Variants in CHN2 observed in about 807,000 individuals in gnomAD.
CHN2 encodes the protein chimerin 2.
Under a neutral mutation model 56.3 loss-of-function variants are expected in CHN2, and 35 were observed. The ratio of observed to expected loss-of-function variants is 0.62; its 90% CI spans 0.47 to 0.82. The LOEUF (loss-of-function observed/expected upper bound fraction) is 0.82. CHN2 is among the 40% of genes least tolerant of loss of function. The pLI, the probability that CHN2 is intolerant of heterozygous loss-of-function variation, is 0.00. For synonymous variants in CHN2, 210 were observed against 212.8 expected (o/e 0.99, Z 0.12); for missense variants, 491 against 580.5 (o/e 0.85, Z 1.58).
intron 1 of CHN2, among the ~76,000 whole-genome samples, chr7:29,341,832 T>A (rs956225337): frequency 6.6e-6 from 1 of 152,188 alleles, no homozygotes; most frequent in African/African-American, 2.4e-5. Flanking sequence ...GGGACTAGGG[T>A]CATAGGGAGA....
intron 1 of CHN2, among the ~76,000 whole-genome samples, chr7:29,252,170 A>G (rs1057027690): frequency 6.1e-5 from 9 of 147,944 alleles, no homozygotes; most frequent in Non-Finnish European, 1.0e-4. Flanking sequence ...AAAACCTACC[A>G]CATAAGATTA....
At chr7:29,185,585 A>G (rs570911100) in intron 2 of CHN2, 2 of 151,352 alleles carry the variant, frequency 1.3e-5, no homozygotes, top group Non-Finnish European at 2.9e-5. Flanking sequence ...CCTTAGCAGC[A>G]TATCAAAATC....
At position 29,400,657 on chromosome 7, in the gene CHN2, C is replaced by T; in HGVS notation, c.405C>T (p.Tyr135=). Residue 135 remains tyrosine, a synonymous_variant, in exon 6 of 13, where the codon TAC becomes TAT. Coordinates refer to ENST00000222792, the MANE Select transcript of CHN2 (RefSeq NM_004067.4). ...TGACAGATGGCTTGATAACACTGTA[C>T]ATAGAAACAAAAGCTGCCGAGTACA... ...DLVTDGLITL[Y]IETKAAEYIS... is the part of the protein sequence containing the mutation. The T allele has an allele frequency of 1.2e-6, 2 of 1,614,138 alleles. No individual in the cohort carries two copies. The highest frequency in any genetic ancestry group is 1.6e-4 in the Middle Eastern group (1 of 6,062).
chr7:29,503,538 A>G (rs907503687), intron 9 of CHN2, among the ~76,000 whole-genome samples: 1 of 152,192 alleles, frequency 6.6e-6, no homozygotes. Flanking sequence ...CACCTGAACA[A>G]TTGGAACTGA....
At chr7:29,382,631 C>G (rs1005253118) in intron 3 of CHN2, among the ~76,000 whole-genome samples, 4 of 152,176 alleles carry the variant, frequency 2.6e-5, no homozygotes, top group Non-Finnish European at 5.9e-5. Flanking sequence ...AGGAGCCCTT[C>G]CCTCAAGGAG....
intron 7 of CHN2, among the ~76,000 whole-genome samples, chr7:29,492,822 C>A (rs192105074): frequency 2.2e-4 from 33 of 152,292 alleles, no homozygotes; most frequent in African/African-American, 7.9e-4. Context: ...GTATCTGAGT[C>A]AATATTTAGT....
chr7:29,202,853 A>G (rs1291053560), intron 1 of CHN2, among the ~76,000 whole-genome samples: 2 of 152,212 alleles, frequency 1.3e-5, no homozygotes, highest in East Asian at 3.9e-4. Context: ...CTTCCATGAA[A>G]TAAGCCCAAG....
intron 2 of CHN2, among the ~76,000 whole-genome samples, chr7:29,187,191 T>C (rs949148753): frequency 6.6e-6 from 1 of 152,160 alleles, no homozygotes; most frequent in African/African-American, 2.4e-5. Context: ...CTTTATCTTA[T>C]AGGGGCCAAA....
chr7:29,482,239 G>A (rs1235247973), intron 7 of CHN2, among the ~76,000 whole-genome samples: 1 of 152,166 alleles, frequency 6.6e-6, no homozygotes, highest in African/African-American at 2.4e-5. Context: ...AGACAGGAGC[G>A]TTTCTCTTCC....
At chr7:29,205,804 G>T (rs1411709717) in intron 1 of CHN2, among the ~76,000 whole-genome samples, 1 of 152,046 alleles carries the variant, frequency 6.6e-6, no homozygotes, top group Admixed American at 6.5e-5. Flanking sequence ...CTAGAGGAAT[G>T]GTTCTTTATT....
At chr7:29,399,663 T>C (rs1249514404) in intron 5 of CHN2, among the ~76,000 whole-genome samples, 1 of 152,220 alleles carries the variant, frequency 6.6e-6, no homozygotes, top group African/African-American at 2.4e-5. Flanking sequence ...ATGGTGTCCA[T>C]GGAAGCCCTT....
intron 1 of CHN2, chr7:29,195,209 G>A: frequency 2.1e-6 from 1 of 483,008 alleles, no homozygotes; most frequent in Non-Finnish European, 3.6e-6. Context: ...GGAGAGCGGT[G>A]GTGCCCTTAG....
chr7:29,147,107 A>C, intron 2 of CHN2: 1 of 1,096,966 alleles, frequency 9.1e-7, no homozygotes, highest in South Asian at 1.6e-5. Context: ...TAACCCATCC[A>C]GGGTCACATT....
chr7:29,504,682 CTTTT>C, intron 9 of CHN2, 58 bp from the exon 10 acceptor site: 1 of 880,258 alleles, frequency 1.1e-6, no homozygotes. Flanking sequence ...TGAAATTAGT[CTTTT>C]TTTTTTTTTT....
At chr7:29,152,974 G>A (rs1192170548) in intron 2 of CHN2, among the ~76,000 whole-genome samples, 1 of 152,194 alleles carries the variant, frequency 6.6e-6, no homozygotes, top group Non-Finnish European at 1.5e-5. Context: ...TCTATCTGAG[G>A]GGTGGCCAAA....
At chr7:29,382,876 A>C (rs1800625966) in intron 3 of CHN2, among the ~76,000 whole-genome samples, 1 of 152,174 alleles carries the variant, frequency 6.6e-6, no homozygotes, top group South Asian at 2.1e-4. Flanking sequence ...AATATCCTAG[A>C]AGTATGAGCA....
At chr7:29,214,546 A>G (rs1411183184) in intron 1 of CHN2, among the ~76,000 whole-genome samples, 2 of 152,192 alleles carry the variant, frequency 1.3e-5, no homozygotes, top group Non-Finnish European at 2.9e-5. Context: ...TCCTCAGTCA[A>G]TACTGTAATG....
At chr7:29,235,795 C>G (rs900616972) in intron 1 of CHN2, among the ~76,000 whole-genome samples, 1 of 152,278 alleles carries the variant, frequency 6.6e-6, no homozygotes, top group Non-Finnish European at 1.5e-5. Context: ...AACTGACAAC[C>G]AAATACCGCA....
intron 6 of CHN2, among the ~76,000 whole-genome samples, chr7:29,468,791 C>T (rs1479394713): frequency 1.3e-5 from 2 of 152,268 alleles, no homozygotes; most frequent in Admixed American, 6.5e-5. Context: ...TCATACCTAT[C>T]CTGTGAGCGT....
Sources: gnomAD v4.1 joint callset for allele counts (sites outside exome capture counted in the v4.1 genomes callset) on GRCh38, gnomAD v4.1.1 for gene constraint, MANE v1.5 for transcripts, NCBI Gene and HGNC (gene_info 2026-07-23, HGNC 2026-07-21) for gene names.